MYH13: variants seen among roughly 807,000 people sequenced by gnomAD.
MYH13 encodes myosin-13.
MYH13 carries 177 observed loss-of-function variants against 232.1 expected under a neutral mutation model. That is an observed-to-expected ratio of 0.76 (90% confidence interval 0.67 to 0.86). MYH13 has a LOEUF of 0.86. Ranked by LOEUF, MYH13 falls within the 40% of genes least tolerant of loss-of-function variation. The pLI, the probability that MYH13 is intolerant of heterozygous loss-of-function variation, is 0.00. For missense variants in MYH13, 2,246 were observed against 2,405.9 expected (o/e 0.93, Z 1.39); for synonymous variants, 884 against 923.5 (o/e 0.96, Z 0.78).
chr17:10,308,357 G>T (rs2142218808), intron 35 of MYH13, among the ~76,000 whole-genome samples: 1 of 144,116 alleles, frequency 6.9e-6, no homozygotes, highest in African/African-American at 2.5e-5. Context: ...GTCAAAATAT[G>T]TTCATGATTG....
intron 5 of MYH13, among the ~76,000 whole-genome samples, chr17:10,361,306 T>C (rs1201925016): frequency 6.6e-6 from 1 of 151,956 alleles, no homozygotes; most frequent in Non-Finnish European, 1.5e-5. Flanking sequence ...TTTTTTTTTT[T>C]TTGAGACGGA....
At chr17:10,363,255 G>A (rs1461494955) in intron 3 of MYH13, among the ~76,000 whole-genome samples, 1 of 141,430 alleles carries the variant, frequency 7.1e-6, no homozygotes, top group East Asian at 2.0e-4. Context: ...GGCGGAGCTT[G>A]CAGTGAGCCG....
At chr17:10,336,473 G>A (rs961076688) in intron 18 of MYH13, among the ~76,000 whole-genome samples, 1 of 152,210 alleles carries the variant, frequency 6.6e-6, no homozygotes, top group East Asian at 1.9e-4. Flanking sequence ...ATGATGATCC[G>A]GCATCATGGG....
At chr17:10,307,320 G>T (rs1906328088) in intron 35 of MYH13, among the ~76,000 whole-genome samples, 1 of 152,058 alleles carries the variant, frequency 6.6e-6, no homozygotes, top group African/African-American at 2.4e-5. Flanking sequence ...ATTTGAGGAT[G>T]GATAGATTAT....
At chr17:10,326,480 C>CT (rs961570283) in intron 22 of MYH13, among the ~76,000 whole-genome samples, 48 of 149,552 alleles carry the variant, frequency 3.2e-4, no homozygotes, top group African/African-American at 5.6e-4. Context: ...TTTCTTTTTT[C>CT]TTTTTTTTTG....
rs1327840659 is a variant in MYH13 at position 10,354,929 on chromosome 17, G to T, written c.867C>A (p.Tyr289Ter). 6.2e-7 allele frequency: 1 copy of T among 1,605,752 alleles called. No homozygotes were observed. The highest frequency in any genetic ancestry group is 1.1e-5 in the South Asian group (1 of 90,912). Reference protein sequence around the residue: ...LSSERSYHIFYQIMSNKKPEL... With the variant: ...LSSERSYHIF ...CTGGCTTCTTGTTTGACATAATTTG[G>T]TAGAAAATATGATAGCTTCTCTCAC... The change falls in exon 10 of 41, where the codon TAC becomes TAA. Residue 289 changes from tyrosine (Y) to a stop codon, truncating the protein, a stop_gained. Transcript: ENST00000252172. LOFTEE classifies it high-confidence loss of function.
intron 33 of MYH13, 58 bp from the exon 34 acceptor site, chr17:10,309,888 T>C (rs1172249290): frequency 7.1e-7 from 1 of 1,402,308 alleles, no homozygotes; most frequent in African/African-American, 1.4e-5. Flanking sequence ...CATGAATGGG[T>C]ATTTTCATCC....
rs61543278 is a variant in MYH13 at position 10,326,981 on chromosome 17, G to GTTTTTTTTTTTTTTTTTTTTTTTTT, written c.2691+860_2691+884dup. On this transcript the variant is annotated intron_variant, in intron 22 of 40. Transcript: ENST00000252172. The stretch of plus-strand genomic sequence containing the variant: ...GAGACATGCACCACCATGCCTACTA[G>GTTTTTTTTTTTTTTTTTTTTTTTTT]TTTTTTTTTTTTTTTTTTTTTTTTT... Among the ~76,000 whole-genome samples the GTTTTTTTTTTTTTTTTTTTTTTTTT allele has an allele frequency of 7.2e-5, 4 of 55,810 alleles. 2 individuals are homozygous for GTTTTTTTTTTTTTTTTTTTTTTTTT. The highest frequency in any genetic ancestry group is 1.8e-3 in the South Asian group (2 of 1,084). The allele number at this position is 55,810 out of a possible 152,430, so 36.6% of individuals were successfully genotyped here.
At chr17:10,353,852 G>A (rs1392282238) in intron 11 of MYH13, among the ~76,000 whole-genome samples, 2 of 151,562 alleles carry the variant, frequency 1.3e-5, no homozygotes, top group East Asian at 1.9e-4. Context: ...CAGCCTGGGC[G>A]ACAGAGCGAG....
intron 12 of MYH13, 80 bp from the exon 13 acceptor site, chr17:10,346,878 A>G (rs2071670956): frequency 2.6e-5 from 27 of 1,033,800 alleles, no homozygotes; most frequent in Non-Finnish European, 4.0e-5. Flanking sequence ...TTCTCCCAGA[A>G]GTGTTTTCTG....
intron 39 of MYH13, among the ~76,000 whole-genome samples, chr17:10,301,983 C>T (rs73283668): frequency 0.019 from 2,918 of 152,226 alleles, 83 homozygotes; most frequent in African/African-American, 0.065. Context: ...TAGAGATCTT[C>T]GGGGGAGACC....
At chr17:10,319,305 T>C (rs1906845694) in intron 26 of MYH13, 126 bp from the exon 27 acceptor site, 6 of 1,174,714 alleles carry the variant, frequency 5.1e-6, no homozygotes, top group Non-Finnish European at 7.0e-6. Context: ...GGTCAGGAGT[T>C]TGAAACCAGC....
At position 10,328,131 on chromosome 17, in the gene MYH13, C is replaced by T; in HGVS notation, c.2436-10G>A. The stretch of plus-strand genomic sequence containing the variant: ...GCAGAAGATGGAGTCCCTGTACACC[C>T]ATTAGGACTCAAATTAATAAATCCA... On this transcript the variant is annotated splice_polypyrimidine_tract_variant and intron_variant, in intron 21 of 40. Transcript: ENST00000252172. 6.2e-7 allele frequency: 1 copy of T among 1,610,168 alleles called. No homozygotes were observed. The highest frequency in any genetic ancestry group is 1.1e-5 in the South Asian group (1 of 90,180).
intron 37 of MYH13, among the ~76,000 whole-genome samples, chr17:10,305,260 G>A (rs983799902): frequency 2.0e-5 from 3 of 152,242 alleles, no homozygotes; most frequent in Non-Finnish European, 2.9e-5. Context: ...AAGTATGGCA[G>A]AAGGTGTCAT....
At position 10,354,960 on chromosome 17, in the gene MYH13, A is replaced by G. The variant is rs1376025206; in HGVS notation, c.836T>C (p.Leu279Ser). Residue 279 changes from leucine (L) to serine (S), a missense_variant, in exon 10 of 41, where the codon TTA becomes TCA. Coordinates refer to ENST00000252172, the MANE Select transcript of MYH13 (RefSeq NM_003802.3). ...LLEKSRVTFQ[L>S]SSERSYHIFY... is the part of the protein sequence containing the mutation. ...AATATGATAGCTTCTCTCACTGGATAATTGAAACGTCACTCTGGATTTTTC... is the reference window on the plus strand; with the variant it reads ...AATATGATAGCTTCTCTCACTGGATGATTGAAACGTCACTCTGGATTTTTC... 1 of 1,609,650 alleles carries G rather than the reference A, an allele frequency of 6.2e-7. No individual in the cohort carries two copies.
intron 18 of MYH13, among the ~76,000 whole-genome samples, chr17:10,337,669 A>G (rs2071586087): frequency 6.6e-6 from 1 of 152,228 alleles, no homozygotes; most frequent in African/African-American, 2.4e-5. Flanking sequence ...ATTCCCAGAA[A>G]TTGACATGAA....
At position 10,343,543 on chromosome 17, in the gene MYH13, A is replaced by G. The variant is rs146469965; in HGVS notation, c.1894+257T>C. 2.1e-3 allele frequency among the ~76,000 whole-genome samples: 317 copies of G among 152,312 alleles called. 4 individuals are homozygous for G. The highest frequency in any genetic ancestry group is 7.3e-3 in the African/African-American group (302 of 41,570). On this transcript the variant is annotated intron_variant, in intron 16 of 40. Coordinates refer to ENST00000252172, the MANE Select transcript of MYH13 (RefSeq NM_003802.3). ...TAAGGGTGAATTTTATTATATGTGA[A>G]TTATACCTCAGTAGAAAACTATTAA... is the stretch of plus-strand genomic sequence containing the variant.
chr17:10,301,019 C>A, intron 40 of MYH13, 54 bp from the exon 41 acceptor site: 1 of 1,500,544 alleles, frequency 6.7e-7, no homozygotes, highest in African/African-American at 1.4e-5. Flanking sequence ...AAATGGGAGA[C>A]TGAACATCAT....
At chr17:10,326,766 C>G (rs1423153503) in intron 22 of MYH13, among the ~76,000 whole-genome samples, 1 of 149,748 alleles carries the variant, frequency 6.7e-6, no homozygotes, top group Non-Finnish European at 1.5e-5. Flanking sequence ...TGTGAGCCAC[C>G]GCGTCCAGCC....
Sources: allele counts gnomAD v4.1 joint callset (sites outside exome capture counted in the v4.1 genomes callset), GRCh38; gene constraint gnomAD v4.1.1; transcripts MANE v1.5; gene names NCBI Gene and HGNC (gene_info 2026-07-23, HGNC 2026-07-21).